STK24: variants seen among roughly 807,000 people sequenced by gnomAD.
STK24 encodes serine/threonine kinase 24.
In STK24, 21 loss-of-function variants were observed where a neutral mutation model predicts 55.6. The observed-to-expected ratio is 0.38, with a 90% CI of 0.27 to 0.54. The LOEUF (loss-of-function observed/expected upper bound fraction) is 0.54, where lower values mean the gene tolerates loss of function less well. Ranked by LOEUF, STK24 falls within the 20% of genes least tolerant of loss-of-function variation. The probability of loss-of-function intolerance (pLI) is 0.79; values close to 1 mark genes in which losing one functional copy is unlikely to be tolerated. For synonymous variants in STK24, 200 were observed against 215.2 expected (o/e 0.93, Z 0.62); for missense variants, 383 against 538.4 (o/e 0.71, Z 2.86).
At chr13:98,535,337 C>T (rs1272747576) in intron 1 of STK24, among the ~76,000 whole-genome samples, 4 of 32,606 alleles carry the variant, frequency 1.2e-4, no homozygotes, top group African/African-American at 3.3e-4. Context: ...AACTCTGTCT[C>T]AAACAAACAA....
intron 7 of STK24, among the ~76,000 whole-genome samples, chr13:98,462,797 C>A (rs1444345696): frequency 6.6e-6 from 1 of 152,184 alleles, no homozygotes; most frequent in Non-Finnish European, 1.5e-5. Flanking sequence ...CGGCTTCCCG[C>A]ACCACACATC....
chr13:98,547,208 A>G (rs1168254438), intron 1 of STK24, among the ~76,000 whole-genome samples: 1 of 150,670 alleles, frequency 6.6e-6, no homozygotes, highest in Non-Finnish European at 1.5e-5. Flanking sequence ...CACCGCGCCC[A>G]GCTATCTAAT....
rs376915595 is a variant in STK24 at position 98,446,794 on chromosome 13, G to A, written c.*6379C>T. ...AGTCCCACGTCTACTACTTCAGGGC[G>A]GAAAGCGAGTACACGTTCGAAAGGT... On this transcript the variant is annotated 3_prime_UTR_variant, in exon 11 of 11. Transcript: ENST00000539966. 54 of 1,614,084 alleles carry A rather than the reference G, an allele frequency of 3.3e-5. No homozygotes were observed. The Middle Eastern group carries it at 4.9e-4, about 15-fold the overall frequency.
At chr13:98,478,298 C>T (rs1302218880) in intron 3 of STK24, among the ~76,000 whole-genome samples, 1 of 152,238 alleles carries the variant, frequency 6.6e-6, no homozygotes. Context: ...TCCCCTGCTT[C>T]GAAGCTCTGT....
rs527826589 is a variant in STK24 at position 98,548,276 on chromosome 13, G to GT, written c.42+28468dup. On this transcript the variant is annotated intron_variant, in intron 1 of 10. Transcript: ENST00000539966. ...TTTATTTTCCTGGGGCAAAAACAAA[G>GT]TTTTTTTTAAAACTGGACATAGTAA... 4.6e-5 allele frequency among the ~76,000 whole-genome samples: 7 copies of GT among 152,128 alleles called. No homozygotes were observed. In the South Asian group the frequency reaches 1.0e-3, roughly 23 times the overall value.
chr13:98,517,676 G>A (rs1239927569), intron 2 of STK24, among the ~76,000 whole-genome samples: 1 of 152,094 alleles, frequency 6.6e-6, no homozygotes, highest in Non-Finnish European at 1.5e-5. Context: ...TTCCCCCACG[G>A]AAGTCACATG....
At chr13:98,536,612 C>T (rs1328448639) in intron 1 of STK24, among the ~76,000 whole-genome samples, 1 of 152,048 alleles carries the variant, frequency 6.6e-6, no homozygotes, top group Non-Finnish European at 1.5e-5. Context: ...GATCCTCTCA[C>T]CCCGACCTCC....
chr13:98,559,991 A>C (rs1897378066), intron 1 of STK24, among the ~76,000 whole-genome samples: 1 of 152,200 alleles, frequency 6.6e-6, no homozygotes, highest in Non-Finnish European at 1.5e-5. Context: ...TCTTAAAAAA[A>C]CAGTAATAAT....
chr13:98,454,004 G>C (rs1395609676), intron 10 of STK24: 1 of 152,144 alleles, frequency 6.6e-6, no homozygotes, highest in Non-Finnish European at 1.5e-5. Flanking sequence ...TGAGCCCCAT[G>C]CTGGCGCTCA....
Position 98,449,337 on chromosome 13 carries a change from A to G in STK24, c.*3836T>C, listed in dbSNP as rs917300249. On this transcript the variant is annotated 3_prime_UTR_variant, in exon 11 of 11. Coordinates refer to ENST00000539966, the MANE Select transcript of STK24 (RefSeq NM_001032296.4). Reference sequence around the variant, plus strand: ...TGTCTTCAAAAACATTTCCCTTTTTATACTCATTCCCCCCAGGCATGGGGT... The same window carrying G: ...TGTCTTCAAAAACATTTCCCTTTTTGTACTCATTCCCCCCAGGCATGGGGT... 3.3e-5 allele frequency: 5 copies of G among 152,126 alleles called. No homozygotes were observed. The highest frequency in any genetic ancestry group is 6.5e-5 in the Admixed American group (1 of 15,282). The allele number at this position is 152,126 out of a possible 1,614,324, so 9.4% of individuals were successfully genotyped here.
chr13:98,507,441 G>C (rs1057084279), intron 2 of STK24, among the ~76,000 whole-genome samples: 5 of 152,200 alleles, frequency 3.3e-5, no homozygotes, highest in African/African-American at 9.7e-5. Context: ...TTGTCCTAGT[G>C]TTGATAGTAG....
chr13:98,526,127 G>A (rs537374815), intron 1 of STK24, among the ~76,000 whole-genome samples: 5 of 152,310 alleles, frequency 3.3e-5, no homozygotes, highest in South Asian at 2.1e-4. Flanking sequence ...AGGGGCTTTC[G>A]AAACAGGTCC....
At position 98,545,559 on chromosome 13, in the gene STK24, G is replaced by A. The variant is rs866366678; in HGVS notation, c.43-26086C>T. On this transcript the variant is annotated intron_variant, in intron 1 of 10. Transcript: ENST00000539966. ...TGAGGCAGGAGAATGGCGTGAACCC[G>A]GGAGGCAGAGCTTGCAGTGAGCCGA... is the stretch of plus-strand genomic sequence containing the variant. Among the ~76,000 whole-genome samples, 81 of 151,098 alleles carry A rather than the reference G, an allele frequency of 5.4e-4. No individual in the cohort carries two copies. In the Middle Eastern group the frequency reaches 0.021, roughly 38 times the overall value.
At chr13:98,458,568 C>A (rs117355531) in intron 9 of STK24, among the ~76,000 whole-genome samples, 509 of 152,300 alleles carry the variant, frequency 3.3e-3, no homozygotes, top group Middle Eastern at 0.01. Flanking sequence ...CCCGAGGCGG[C>A]CACTCGTGTT....
chr13:98,448,422 A>T lies in STK24; in HGVS notation c.*4751T>A. 1.1e-6 allele frequency: 1 copy of T among 941,532 alleles called. No homozygotes were observed. The highest frequency in any genetic ancestry group is 1.7e-6 in the Non-Finnish European group (1 of 585,130). The allele number at this position is 941,532 out of a possible 1,614,324, so 58.3% of individuals were successfully genotyped here. A position where few individuals can be genotyped will look rare whatever the true frequency, so the allele number is the denominator to read the frequency against. On this transcript the variant is annotated 3_prime_UTR_variant, in exon 11 of 11. Coordinates refer to ENST00000539966, the MANE Select transcript of STK24 (RefSeq NM_001032296.4). ...AATTAACACCTGTCTGAAAATCAAA[A>T]ACATGGCTTCCCAGCAGCTCTCCTG...
chr13:98,530,669 T>C (rs544160550), intron 1 of STK24, among the ~76,000 whole-genome samples: 1 of 152,276 alleles, frequency 6.6e-6, no homozygotes, highest in African/African-American at 2.4e-5. Flanking sequence ...TGAAAAGCTG[T>C]GGTGCGCTGC....
At chr13:98,497,383 A>G (rs1406389525) in intron 2 of STK24, among the ~76,000 whole-genome samples, 1 of 152,206 alleles carries the variant, frequency 6.6e-6, no homozygotes, top group Non-Finnish European at 1.5e-5. Flanking sequence ...AAAATTTATA[A>G]GGCACATTTC....
chr13:98,493,936 G>A (rs1206816334), intron 2 of STK24, among the ~76,000 whole-genome samples: 5 of 149,728 alleles, frequency 3.3e-5, no homozygotes, highest in Admixed American at 6.6e-5. Context: ...TCCGCCTCCC[G>A]GGTTCACACC....
At chr13:98,561,020 T>C (rs1234431601) in intron 1 of STK24, among the ~76,000 whole-genome samples, 3 of 152,224 alleles carry the variant, frequency 2.0e-5, no homozygotes, top group Non-Finnish European at 2.9e-5. Flanking sequence ...ACAGTGGTTC[T>C]GCTGTCTTGA....
Sources: gnomAD v4.1 joint callset for allele counts (sites outside exome capture counted in the v4.1 genomes callset) on GRCh38, gnomAD v4.1.1 for gene constraint, MANE v1.5 for transcripts, NCBI Gene and HGNC (gene_info 2026-07-23, HGNC 2026-07-21) for gene names.